Variants in TENM3 observed in about 807,000 individuals in gnomAD.
TENM3 encodes the protein teneurin-3.
Under a neutral mutation model 255.1 loss-of-function variants are expected in TENM3, and 63 were observed. The ratio of observed to expected loss-of-function variants is 0.25; its 90% CI spans 0.20 to 0.30. TENM3 has a LOEUF of 0.30. Among genes scored for constraint, TENM3 ranks in the 10% least tolerant of loss-of-function variants. The probability of loss-of-function intolerance (pLI) is 1.00; values close to 1 mark genes in which losing one functional copy is unlikely to be tolerated. For synonymous variants in TENM3, 1,306 were observed against 1,322.3 expected, an observed-to-expected ratio of 0.99 and a Z score of 0.27; for missense variants, 2,929 against 3,461.1, an observed-to-expected ratio of 0.85 and a Z score of 3.86.
chr4:182,016,777 T>TA, the TENM3 span, among the ~76,000 whole-genome samples: 4,331 of 152,310 alleles, frequency 0.028, 180 homozygotes, highest in African/African-American at 0.098. Flanking sequence ...TTATTCTTTT[T>TA]AAAAAATTAC....
At chr4:182,768,815 A>G (rs1461272450) in intron 22 of TENM3, among the ~76,000 whole-genome samples, 2 of 152,192 alleles carry the variant, frequency 1.3e-5, no homozygotes, top group Non-Finnish European at 2.9e-5. Context: ...TCAGTGGAAG[A>G]GCGGTAGGTC....
the TENM3 span, among the ~76,000 whole-genome samples, chr4:181,829,044 A>G: frequency 1.3e-5 from 2 of 152,154 alleles, no homozygotes; most frequent in African/African-American, 4.8e-5. Context: ...GCTCTCATTC[A>G]TCTCACAGAC....
chr4:182,729,276 G>A, intron 14 of TENM3, 95 bp downstream of exon 14: 2 of 1,094,556 alleles, frequency 1.8e-6, no homozygotes, highest in Non-Finnish European at 2.6e-6. Context: ...CCTGAGGAAA[G>A]TGCTGTTTTT....
At chr4:181,798,703 C>T in the TENM3 span, among the ~76,000 whole-genome samples, 7 of 152,058 alleles carry the variant, frequency 4.6e-5, no homozygotes, top group African/African-American at 1.7e-4. Context: ...TTTCATTTCC[C>T]TTCTTTATAG....
At chr4:181,857,553 A>AG in the TENM3 span, among the ~76,000 whole-genome samples, 1 of 104,444 alleles carries the variant, frequency 9.6e-6, no homozygotes, top group Non-Finnish European at 1.9e-5. Flanking sequence ...TGTCTCTACA[A>AG]AAAAAAAAAA....
At chr4:182,795,510 T>G (rs1403741044) in intron 26 of TENM3, among the ~76,000 whole-genome samples, 1 of 152,064 alleles carries the variant, frequency 6.6e-6, no homozygotes, top group African/African-American at 2.4e-5. Flanking sequence ...CCATTTCAAA[T>G]AAAAAGAATA....
the TENM3 span, among the ~76,000 whole-genome samples, chr4:181,583,557 C>T: frequency 2.6e-5 from 4 of 152,074 alleles, no homozygotes; most frequent in Admixed American, 6.6e-5. Context: ...GGTTAAAAAA[C>T]GTGGGGGCGT....
At chr4:182,703,395 A>T (rs543149665) in intron 12 of TENM3, among the ~76,000 whole-genome samples, 7 of 152,232 alleles carry the variant, frequency 4.6e-5, no homozygotes, top group Non-Finnish European at 1.0e-4. Flanking sequence ...GAGCTATTGA[A>T]CACTCTACCC....
the TENM3 span, among the ~76,000 whole-genome samples, chr4:181,563,723 C>T: frequency 6.6e-6 from 1 of 152,134 alleles, no homozygotes; most frequent in Non-Finnish European, 1.5e-5. Context: ...TTAATAACCC[C>T]AAATTGTCTC....
chr4:182,426,274 C>A (rs960348231), intron 3 of TENM3, among the ~76,000 whole-genome samples: 2 of 151,814 alleles, frequency 1.3e-5, no homozygotes, highest in Admixed American at 6.6e-5. Context: ...TCCAAAGGCC[C>A]ATATTGGAGA....
At chr4:181,518,603 AT>A in the TENM3 span, among the ~76,000 whole-genome samples, 1 of 151,880 alleles carries the variant, frequency 6.6e-6, no homozygotes, top group Non-Finnish European at 1.5e-5. Flanking sequence ...AATTTTTTGT[AT>A]TTTTAGTAGA....
chr4:182,099,273 C>A, the TENM3 span, among the ~76,000 whole-genome samples: 1 of 152,024 alleles, frequency 6.6e-6, no homozygotes, highest in East Asian at 1.9e-4. Context: ...CATATGTGCA[C>A]AATTTTTATG....
chr4:181,513,647 T>A, the TENM3 span, among the ~76,000 whole-genome samples: 9 of 152,324 alleles, frequency 5.9e-5, no homozygotes, highest in African/African-American at 2.2e-4. Flanking sequence ...ACGCAATAAA[T>A]AACCTCAAAT....
chr4:181,661,128 G>A, the TENM3 span, among the ~76,000 whole-genome samples: 1 of 152,084 alleles, frequency 6.6e-6, no homozygotes, highest in Non-Finnish European at 1.5e-5. Flanking sequence ...TCAAATTTTG[G>A]AAGTAAAATG....
the TENM3 span, among the ~76,000 whole-genome samples, chr4:181,625,670 C>T: frequency 6.6e-6 from 1 of 151,862 alleles, no homozygotes; most frequent in African/African-American, 2.4e-5. Context: ...AAAAATTAGC[C>T]GGGTGTGGCG....
the TENM3 span, among the ~76,000 whole-genome samples, chr4:182,098,351 G>GTT: frequency 1.3e-5 from 2 of 152,092 alleles, no homozygotes; most frequent in South Asian, 4.1e-4. Context: ...CCAAGAGAAA[G>GTT]GAAATCAGTA....
chr4:181,933,913 G>A, the TENM3 span, among the ~76,000 whole-genome samples: 1 of 152,086 alleles, frequency 6.6e-6, no homozygotes, highest in African/African-American at 2.4e-5. Context: ...AGGTGTATGG[G>A]ATGTCTGCAT....
At chr4:181,448,205 C>T in the TENM3 span, among the ~76,000 whole-genome samples, 15,070 of 126,882 alleles carry the variant, frequency 0.12, 968 homozygotes, top group East Asian at 0.26. Flanking sequence ...CTCGCTCTGT[C>T]GCCCAGGCTG....
the TENM3 span, among the ~76,000 whole-genome samples, chr4:181,888,295 T>G: frequency 6.6e-6 from 1 of 151,324 alleles, no homozygotes; most frequent in Non-Finnish European, 1.5e-5. Context: ...CCTCCCAAAG[T>G]GCTAGGGTTA....
Sources: gnomAD v4.1 joint callset for allele counts (sites outside exome capture counted in the v4.1 genomes callset) on GRCh38, gnomAD v4.1.1 for gene constraint, MANE v1.5 for transcripts, NCBI Gene and HGNC (gene_info 2026-07-23, HGNC 2026-07-21) for gene names.